The following PRKN variants were observed in gnomAD, a reference collection of about 807,000 sequenced individuals.
PRKN encodes the protein E3 ubiquitin-protein ligase parkin.
PRKN carries 56 observed loss-of-function variants against 59.5 expected under a neutral mutation model. The ratio of observed to expected loss-of-function variants is 0.94; its 90% CI spans 0.76 to 1.18. The LOEUF (loss-of-function observed/expected upper bound fraction) is 1.18, where lower values mean the gene tolerates loss of function less well. PRKN is among the 50% of genes most tolerant of loss of function. The pLI is 0.00. For synonymous variants in PRKN, 250 were observed against 222.1 expected, an observed-to-expected ratio of 1.13 and a Z score of -1.12; for missense variants, 657 against 596.4, an observed-to-expected ratio of 1.10 and a Z score of -1.06.
intron 3 of PRKN, among the ~76,000 whole-genome samples, chr6:162,211,525 T>A (rs939952478): frequency 6.6e-6 from 1 of 152,142 alleles, no homozygotes; most frequent in Non-Finnish European, 1.5e-5. Flanking sequence ...AATTTAAAAT[T>A]TTTTAAAAAA....
intron 6 of PRKN, among the ~76,000 whole-genome samples, chr6:161,799,181 C>T (rs1790977343): frequency 6.6e-6 from 1 of 152,200 alleles, no homozygotes; most frequent in South Asian, 2.1e-4. Flanking sequence ...CTTATCAGGA[C>T]ATGTTTGCTT....
intron 9 of PRKN, among the ~76,000 whole-genome samples, chr6:161,539,449 G>A (rs925404216): frequency 6.7e-6 from 1 of 148,810 alleles, no homozygotes; most frequent in Non-Finnish European, 1.5e-5. Flanking sequence ...GAGCCTTCAC[G>A]GAGTTGGTTT....
chr6:161,561,144 A>T lies in PRKN; in HGVS notation c.933+8211T>A, dbSNP rs1780441403. On this transcript the variant is annotated intron_variant, in intron 8 of 11. Coordinates refer to ENST00000366898, the MANE Select transcript of PRKN (RefSeq NM_004562.3). The surrounding 1 kb of genome is among the most constrained non-coding windows in gnomAD (Gnocchi z 5.0). ...AACCCGCCGAAAAAAGGGGTGAAAT[A>T]AAAAAGATGAAATGAGGATAGTTAC... Among the ~76,000 whole-genome samples the T allele has an allele frequency of 6.6e-6, 1 of 152,212 alleles. No homozygotes were observed. Among genetic ancestry groups the T allele is most frequent in the African/African-American group, 2.4e-5 (1 of 41,460 alleles).
At chr6:161,631,898 A>G (rs1783328965) in intron 7 of PRKN, among the ~76,000 whole-genome samples, 1 of 152,132 alleles carries the variant, frequency 6.6e-6, no homozygotes, top group African/African-American at 2.4e-5. Flanking sequence ...TTCTTACCCA[A>G]TTTATCCCAT....
chr6:161,679,683 CCTT>C (rs1562602601), intron 7 of PRKN, among the ~76,000 whole-genome samples: 1 of 128,732 alleles, frequency 7.8e-6, no homozygotes, highest in African/African-American at 2.9e-5. Context: ...CACCCCCCCC[CCTT>C]TTTTTTTTTT....
At chr6:162,625,373 C>T (rs1313457498) in intron 1 of PRKN, among the ~76,000 whole-genome samples, 1 of 152,112 alleles carries the variant, frequency 6.6e-6, no homozygotes, top group African/African-American at 2.4e-5. Flanking sequence ...GTTTTCATTT[C>T]CAAACATGCC....
chr6:162,690,831 T>C (rs549908929), intron 1 of PRKN, among the ~76,000 whole-genome samples: 3 of 152,230 alleles, frequency 2.0e-5, no homozygotes, highest in South Asian at 4.1e-4. Flanking sequence ...ACAGAATAAA[T>C]ATAGAAATTA....
chr6:162,671,611 G>A (rs12190823), intron 1 of PRKN, among the ~76,000 whole-genome samples: 27,268 of 151,716 alleles, frequency 0.18, 3,079 homozygotes, highest in East Asian at 0.48. Context: ...CATTTGTGCA[G>A]TAATCAAAAA....
In PRKN at chr6:162,469,993, C is replaced by T. The variant is rs116218370; in HGVS notation, c.8-26520G>A. Among the ~76,000 whole-genome samples, 770 of 152,226 alleles carry T rather than the reference C, an allele frequency of 5.1e-3. 8 individuals are homozygous for T. The highest frequency in any genetic ancestry group is 0.018 in the African/African-American group (739 of 41,530). Reference sequence around the variant, plus strand: ...GAAGAAATAGTAAACCTGTTTTACACGATCCTAGGGCACAGGACTAGGAAA... The same window carrying T: ...GAAGAAATAGTAAACCTGTTTTACATGATCCTAGGGCACAGGACTAGGAAA... On this transcript the variant is annotated intron_variant, in intron 1 of 11. Coordinates refer to ENST00000366898, the MANE Select transcript of PRKN (RefSeq NM_004562.3).
At chr6:162,023,548 T>G (rs1426687247) in intron 5 of PRKN, among the ~76,000 whole-genome samples, 1 of 152,104 alleles carries the variant, frequency 6.6e-6, no homozygotes, top group African/African-American at 2.4e-5. Flanking sequence ...TGTGCTCTTC[T>G]CCTAGCCTGC....
intron 7 of PRKN, among the ~76,000 whole-genome samples, chr6:161,679,556 CTT>C (rs34325718): frequency 6.7e-4 from 73 of 109,032 alleles, no homozygotes; most frequent in East Asian, 2.8e-3. Flanking sequence ...AGTTTCAAGT[CTT>C]TTTTTTTTTT....
intron 1 of PRKN, among the ~76,000 whole-genome samples, chr6:162,685,909 C>A (rs769656322): frequency 6.6e-6 from 1 of 152,036 alleles, no homozygotes; most frequent in South Asian, 2.1e-4. Flanking sequence ...CCATCATTAA[C>A]GTGTGCATTC....
chr6:162,598,853 CA>C (rs35219327), intron 1 of PRKN, among the ~76,000 whole-genome samples: 126 of 106,892 alleles, frequency 1.2e-3, no homozygotes, highest in South Asian at 7.4e-3. Context: ...ATTCTGTCAC[CA>C]AAAAAAAAAA....
At chr6:161,383,741 T>C (rs1394471976) in intron 10 of PRKN, among the ~76,000 whole-genome samples, 1 of 152,122 alleles carries the variant, frequency 6.6e-6, no homozygotes, top group African/African-American at 2.4e-5. Context: ...CCTGTGATGG[T>C]TCCTGTGTCC....
chr6:162,307,496 C>T (rs766021821), intron 2 of PRKN, among the ~76,000 whole-genome samples: 4 of 146,852 alleles, frequency 2.7e-5, no homozygotes, highest in Non-Finnish European at 6.0e-5. Flanking sequence ...GTATTACAAA[C>T]AAGATGTGCA....
chr6:161,650,318 G>A (rs868705302), intron 7 of PRKN, among the ~76,000 whole-genome samples: 3 of 152,172 alleles, frequency 2.0e-5, no homozygotes, highest in Admixed American at 6.5e-5. Flanking sequence ...AAGGTGCTTT[G>A]TTACGATAAG....
At chr6:161,849,978 C>T (rs6900026) in intron 6 of PRKN, among the ~76,000 whole-genome samples, 56,813 of 151,696 alleles carry the variant, frequency 0.37, 11,310 homozygotes, top group East Asian at 0.69. Flanking sequence ...CAGCCCAGCA[C>T]AGTCCCAAGG....
intron 3 of PRKN, among the ~76,000 whole-genome samples, chr6:162,232,362 T>C (rs1214320727): frequency 6.6e-6 from 1 of 151,738 alleles, no homozygotes; most frequent in Non-Finnish European, 1.5e-5. Context: ...TTTGCAGGGG[T>C]AAAAGGATGA....
chr6:161,665,886 C>A (rs1356767591), intron 7 of PRKN, among the ~76,000 whole-genome samples: 1 of 152,138 alleles, frequency 6.6e-6, no homozygotes, highest in Admixed American at 6.5e-5. Context: ...ATATTAGGGC[C>A]CTCTGTCTTG....
Sources: allele counts gnomAD v4.1 joint callset (sites outside exome capture counted in the v4.1 genomes callset), GRCh38; gene constraint gnomAD v4.1.1; non-coding constraint Gnocchi (gnomAD v3.1); transcripts MANE v1.5; gene names NCBI Gene and HGNC (gene_info 2026-07-23, HGNC 2026-07-21).